Variants in XPR1 observed in about 807,000 individuals in gnomAD.
The protein encoded by XPR1 is xenotropic and polytropic retrovirus receptor 1.
Under a neutral mutation model 87.5 loss-of-function variants are expected in XPR1, and 28 were observed. The ratio of observed to expected loss-of-function variants is 0.32; its 90% CI spans 0.24 to 0.44. The LOEUF (loss-of-function observed/expected upper bound fraction) is 0.44. Among genes scored for constraint, XPR1 ranks in the 20% least tolerant of loss-of-function variants. The pLI is 1.00. For missense variants in XPR1, 559 were observed against 862.3 expected, an observed-to-expected ratio of 0.65 and a Z score of 4.41; for synonymous variants, 300 against 306.1, an observed-to-expected ratio of 0.98 and a Z score of 0.21.
Position 180,632,047 on chromosome 1 carries a change from G to T in XPR1, c.-155G>T, listed in dbSNP as rs1290804263. On this transcript the variant is annotated 5_prime_UTR_variant, in exon 1 of 15. Coordinates refer to ENST00000367590, the MANE Select transcript of XPR1 (RefSeq NM_004736.4). ...ATGGAGAGGAGGAGGAAGATGGCGG[G>T]CGGGCTGCTCTGAAGAGACCTCGGC... The T allele has an allele frequency of 5.0e-6, 4 of 794,610 alleles. No individual in the cohort carries two copies. Among genetic ancestry groups the T allele is most frequent in the Non-Finnish European group, 8.5e-6 (4 of 470,664 alleles). 49.2% of individuals were successfully genotyped at this position (794,610 alleles called of 1,614,324 possible).
At chr1:180,848,704 G>A (rs1032195063) in intron 11 of XPR1, among the ~76,000 whole-genome samples, 8 of 152,028 alleles carry the variant, frequency 5.3e-5, no homozygotes, top group Non-Finnish European at 7.4e-5. Context: ...GCTAGATCAC[G>A]TGGTAGTTCC....
chr1:180,657,292 A>C (rs1655566062), intron 1 of XPR1, among the ~76,000 whole-genome samples: 1 of 151,976 alleles, frequency 6.6e-6, no homozygotes, highest in Admixed American at 6.5e-5. Context: ...GAAGATTTTT[A>C]ACTTGATGTG....
intron 11 of XPR1, among the ~76,000 whole-genome samples, chr1:180,859,378 C>T (rs1364222383): frequency 1.3e-5 from 2 of 152,006 alleles, no homozygotes; most frequent in Non-Finnish European, 2.9e-5. Context: ...ATGTGGCAGG[C>T]ATATACTGGA....
chr1:180,763,017 C>T (rs867534077), intron 2 of XPR1, among the ~76,000 whole-genome samples: 2 of 152,172 alleles, frequency 1.3e-5, no homozygotes, highest in Admixed American at 1.3e-4. Context: ...CACTGGGAAG[C>T]TGGACTGTAT....
intron 3 of XPR1, among the ~76,000 whole-genome samples, chr1:180,795,790 T>A: frequency 6.6e-6 from 1 of 152,118 alleles, no homozygotes; most frequent in East Asian, 1.9e-4. Flanking sequence ...CTGAGATTCA[T>A]TCATTCACTC....
chr1:180,739,196 G>A (rs770549702), intron 2 of XPR1, among the ~76,000 whole-genome samples: 2 of 152,082 alleles, frequency 1.3e-5, no homozygotes, highest in Non-Finnish European at 2.9e-5. Context: ...GTATTTGTTT[G>A]GGTCTATTTC....
At chr1:180,709,695 A>G (rs1657695147) in intron 2 of XPR1, among the ~76,000 whole-genome samples, 4 of 152,030 alleles carry the variant, frequency 2.6e-5, no homozygotes, top group Admixed American at 1.3e-4. Context: ...TTGTCAATCT[A>G]TTTAATTTTA....
In XPR1 at chr1:180,824,947, A is replaced by G. The variant is rs745717539; in HGVS notation, c.954+4A>G. The G allele has an allele frequency of 6.2e-7, 1 of 1,612,912 alleles. No individual in the cohort carries two copies. Among genetic ancestry groups the G allele is most frequent in the Admixed American group, 1.7e-5 (1 of 59,818 alleles). On this transcript the variant is annotated splice_donor_region_variant and intron_variant, in intron 8 of 14. Coordinates refer to ENST00000367590, the MANE Select transcript of XPR1 (RefSeq NM_004736.4). ...GTCTCATCAACATCTCTTTGAGGTAATCAAAGCAAGACATAACACCTCATG... is the reference window on the plus strand; with the variant it reads ...GTCTCATCAACATCTCTTTGAGGTAGTCAAAGCAAGACATAACACCTCATG...
intron 11 of XPR1, among the ~76,000 whole-genome samples, chr1:180,843,512 T>A (rs1651583144): frequency 6.6e-6 from 1 of 152,204 alleles, no homozygotes; most frequent in Non-Finnish European, 1.5e-5. Context: ...AATATGAGAC[T>A]TTTTTCCTGA....
intron 2 of XPR1, among the ~76,000 whole-genome samples, chr1:180,782,476 C>T (rs1243895303): frequency 6.6e-6 from 1 of 152,028 alleles, no homozygotes; most frequent in Middle Eastern, 3.4e-3. Flanking sequence ...CCAAACATGG[C>T]CTATCCTCTG....
chr1:180,764,904 G>A (rs1648214580), intron 2 of XPR1, among the ~76,000 whole-genome samples: 1 of 150,500 alleles, frequency 6.6e-6, no homozygotes, highest in South Asian at 2.1e-4. Context: ...TCCTGCCTCA[G>A]CCTCCTGAGT....
intron 2 of XPR1, among the ~76,000 whole-genome samples, chr1:180,747,131 A>G (rs1452956555): frequency 1.3e-5 from 2 of 152,188 alleles, no homozygotes; most frequent in Non-Finnish European, 2.9e-5. Context: ...ACTTTTTCAC[A>G]ACCATTTAGT....
chr1:180,646,703 A>G (rs1011514106), intron 1 of XPR1, among the ~76,000 whole-genome samples: 3 of 152,156 alleles, frequency 2.0e-5, no homozygotes, highest in Non-Finnish European at 4.4e-5. Flanking sequence ...CATTTTGGCT[A>G]GGGTTAGCTT....
chr1:180,656,489 T>TATATA (rs1491187993), intron 1 of XPR1, among the ~76,000 whole-genome samples: 3 of 15,786 alleles, frequency 1.9e-4, no homozygotes, highest in African/African-American at 8.9e-4. Context: ...ATATATAATA[T>TATATA]TTATATATTA....
At chr1:180,646,181 A>G (rs1213266351) in intron 1 of XPR1, among the ~76,000 whole-genome samples, 1 of 152,184 alleles carries the variant, frequency 6.6e-6, no homozygotes, top group Non-Finnish European at 1.5e-5. Context: ...TTACAGTGCA[A>G]GCCAAAAGAG....
At chr1:180,853,665 A>C (rs996479712) in intron 11 of XPR1, among the ~76,000 whole-genome samples, 1 of 139,520 alleles carries the variant, frequency 7.2e-6, no homozygotes, top group Admixed American at 7.1e-5. Context: ...ACACACACAC[A>C]CACCCTACCT....
At chr1:180,651,906 G>A (rs956995454) in intron 1 of XPR1, among the ~76,000 whole-genome samples, 2 of 152,170 alleles carry the variant, frequency 1.3e-5, no homozygotes, top group Non-Finnish European at 2.9e-5. Context: ...ATTAACTGAT[G>A]TGCTGATTTT....
chr1:180,872,855 A>G (rs1652546956), intron 12 of XPR1, among the ~76,000 whole-genome samples: 1 of 152,038 alleles, frequency 6.6e-6, no homozygotes, highest in Non-Finnish European at 1.5e-5. Context: ...GATTATTCTT[A>G]TTACACATAT....
Position 180,887,842 on chromosome 1 carries a change from T to G in XPR1, c.*3776T>G, listed in dbSNP as rs1055450163. 5 of 152,232 alleles carry G rather than the reference T, an allele frequency of 3.3e-5. No homozygotes were observed. Among genetic ancestry groups the G allele is most frequent in the African/African-American group, 1.2e-4 (5 of 41,460 alleles). 9.4% of individuals were successfully genotyped at this position (152,232 alleles called of 1,614,324 possible). On this transcript the variant is annotated 3_prime_UTR_variant, in exon 15 of 15. Transcript: ENST00000367590. ...TGTATATTATCTTTCCACCATGCTT[T>G]GACCAAAGTACATTCACAGTAACTA...
Sources: allele counts gnomAD v4.1 joint callset (sites outside exome capture counted in the v4.1 genomes callset), GRCh38; gene constraint gnomAD v4.1.1; transcripts MANE v1.5; gene names NCBI Gene and HGNC (gene_info 2026-07-23, HGNC 2026-07-21).